OPN4: variants seen among roughly 807,000 people sequenced by gnomAD.
OPN4 encodes the protein melanopsin.
In OPN4, 43 loss-of-function variants were observed where a neutral mutation model predicts 49.5. That is an observed-to-expected ratio of 0.87 (90% CI 0.68 to 1.12). OPN4 has a LOEUF of 1.12. OPN4 is among the 50% of genes most tolerant of loss of function. OPN4 has a pLI of 0.00. For missense variants in OPN4, 657 were observed against 643.9 expected (o/e 1.02, Z -0.22); for synonymous variants, 263 against 258.0 (o/e 1.02, Z -0.19).
At chr10:86,660,632 T>C (rs1179412513) in intron 6 of OPN4, among the ~76,000 whole-genome samples, 4 of 152,124 alleles carry the variant, frequency 2.6e-5, no homozygotes, top group African/African-American at 7.2e-5. Flanking sequence ...AGAGAGGGCA[T>C]CACGGTTGGG....
chr10:86,659,398 T>C lies in OPN4; in HGVS notation c.730T>C (p.Phe244Leu), dbSNP rs372288717. The change falls in exon 5 of 10, where the codon TTC becomes CTC. Residue 244 changes from phenylalanine to leucine, a missense_variant. Phe to Leu is a conservative substitution (Grantham distance 22). Coordinates refer to ENST00000241891, the MANE Select transcript of OPN4 (RefSeq NM_033282.4). ...CACCATGCTTCTCTGCTGCTTCGTG[T>C]TCTTCCTCCCTCTGCTTATCATCAT... is the stretch of plus-strand genomic sequence containing the variant. ...AYTMLLCCFV[F>L]FLPLLIIIYC... The C allele has an allele frequency of 6.2e-7, 1 of 1,614,060 alleles. No homozygotes were observed. Among genetic ancestry groups the C allele is most frequent in the Non-Finnish European group, 8.5e-7 (1 of 1,180,042 alleles).
At position 86,665,447 on chromosome 10, in the gene OPN4, G is replaced by C. The variant is rs947510174; in HGVS notation, c.1399-266G>C. ...GGAAGAGAGGAGCGGATTGGATGGT[G>C]GGGGTGAGGATGGGTTCAGTTGTGA... On this transcript the variant is annotated intron_variant, in intron 9 of 9. Transcript: ENST00000241891. Among the ~76,000 whole-genome samples the C allele has an allele frequency of 2.6e-5, 4 of 152,090 alleles. No homozygotes were observed. In the South Asian group the frequency reaches 8.3e-4, roughly 31 times the overall value.
chr10:86,664,138 T>C (rs1387503306), intron 9 of OPN4: 2 of 247,050 alleles, frequency 8.1e-6, no homozygotes, highest in Non-Finnish European at 1.6e-5. Context: ...CGTCAGAGCA[T>C]AGCTCGAGCA....
At chr10:86,665,570 G>T (rs564034686) in intron 9 of OPN4, 143 bp from the exon 10 acceptor site, 37 of 674,068 alleles carry the variant, frequency 5.5e-5, no homozygotes, top group African/African-American at 5.3e-4. Context: ...CTCTGGGAAG[G>T]CCCATCCCTG....
chr10:86,659,910 C>T lies in OPN4; in HGVS notation c.816C>T (p.Phe272=), dbSNP rs955501437. 68 of 1,614,064 alleles carry T rather than the reference C, an allele frequency of 4.2e-5. No homozygotes were observed. Among genetic ancestry groups the T allele is most frequent in the Middle Eastern group, 1.6e-4 (1 of 6,078 alleles). The part of the protein sequence containing the change: ...IRETGRALQT[F]GACKGNGESL... ...TCCTTCCTAGGGCTCTCCAGACCTT[C>T]GGGGCCTGCAAGGGCAATGGCGAGT... The change falls in exon 6 of 10, where the codon TTC becomes TTT. Residue 272 remains phenylalanine, a synonymous_variant. Transcript: ENST00000241891.
intron 9 of OPN4, 120 bp from the exon 10 acceptor site, chr10:86,665,593 A>G: frequency 1.3e-6 from 1 of 791,740 alleles, no homozygotes; most frequent in South Asian, 1.6e-5. Flanking sequence ...CCAGGACACA[A>G]CCTGGCCCTT....
chr10:86,661,818 G>T (rs1844015404), intron 7 of OPN4, among the ~76,000 whole-genome samples: 1 of 151,858 alleles, frequency 6.6e-6, no homozygotes, highest in Non-Finnish European at 1.5e-5. Context: ...TAGCAACCCG[G>T]CAAGGCTGCT....
intron 9 of OPN4, among the ~76,000 whole-genome samples, chr10:86,665,044 G>T (rs1003965782): frequency 6.6e-6 from 1 of 152,162 alleles, no homozygotes; most frequent in African/African-American, 2.4e-5. Context: ...GGTGGGGAGT[G>T]GGGGGAGCAC....
intron 9 of OPN4, among the ~76,000 whole-genome samples, chr10:86,664,475 G>C (rs758751192): frequency 3.3e-5 from 5 of 152,138 alleles, no homozygotes; most frequent in Non-Finnish European, 7.4e-5. Flanking sequence ...GATTAGAGAA[G>C]GCCATATTCT....
At position 86,659,477 on chromosome 10, in the gene OPN4, C is replaced by T. The variant is rs760848649; in HGVS notation, c.800+9C>T. The stretch of plus-strand genomic sequence containing the variant: ...ATCCGGGAGACAGGACGGTAAGAGC[C>T]GAGCATGGAGGGGGGCTACAGGAGG... On this transcript the variant is annotated intron_variant, in intron 5 of 9. Transcript: ENST00000241891. 20 of 1,612,834 alleles carry T rather than the reference C, an allele frequency of 1.2e-5. No individual in the cohort carries two copies. The highest frequency in any genetic ancestry group is 8.3e-5 in the Admixed American group (5 of 59,934).
At chr10:86,656,055 T>G in intron 1 of OPN4, 100 bp from the exon 2 acceptor site, 1 of 1,515,794 alleles carries the variant, frequency 6.6e-7, no homozygotes, top group Middle Eastern at 1.7e-4. Flanking sequence ...AGCCTCAGTT[T>G]TCCCACCTGC....
At chr10:86,664,525 C>A (rs1844097930) in intron 9 of OPN4, among the ~76,000 whole-genome samples, 1 of 152,206 alleles carries the variant, frequency 6.6e-6, no homozygotes, top group Admixed American at 6.5e-5. Flanking sequence ...TCCCAAGCAG[C>A]CCTTCGCCCC....
intron 9 of OPN4, chr10:86,664,016 A>G (rs35387448): frequency 1.7e-4 from 86 of 499,346 alleles, no homozygotes; most frequent in South Asian, 2.6e-4. Flanking sequence ...TGGTCTGCAC[A>G]TGTGTGTGTG....
intron 7 of OPN4, 81 bp downstream of exon 7, chr10:86,661,469 GTC>G (rs1564621597): frequency 6.9e-6 from 7 of 1,012,658 alleles, no homozygotes; most frequent in Non-Finnish European, 1.0e-5. Flanking sequence ...CCACCTTTCT[GTC>G]TCTCGTGTGT....
At position 86,654,809 on chromosome 10, in the gene OPN4, T is replaced by TAC. The variant is rs1843827084; in HGVS notation, c.26_27insAC (p.Pro11ArgfsTer67). 27 of 1,554,510 alleles carry TAC rather than the reference T, an allele frequency of 1.7e-5. No individual in the cohort carries two copies. Among genetic ancestry groups the TAC allele is most frequent in the Non-Finnish European group, 1.9e-5 (21 of 1,128,526 alleles). Reference sequence around the variant, plus strand: ...ATGAACCCTCCTTCGGGGCCAAGAGTCCCGCCCAGCCCAACCCAAGAGCCC... The same window carrying TAC: ...ATGAACCCTCCTTCGGGGCCAAGAGTACCCCGCCCAGCCCAACCCAAGAGCCC... On this transcript the variant is annotated frameshift_variant, in exon 1 of 10. Coordinates refer to ENST00000241891, the MANE Select transcript of OPN4 (RefSeq NM_033282.4). LOFTEE classifies it high-confidence loss of function.
chr10:86,656,549 A>G (rs531017612), intron 2 of OPN4, among the ~76,000 whole-genome samples: 110 of 152,208 alleles, frequency 7.2e-4, no homozygotes, highest in African/African-American at 2.6e-3. Flanking sequence ...TCCTCTGTGG[A>G]GGGTGTGTGT....
At chr10:86,658,201 G>A (rs1589586768) in intron 3 of OPN4, 36 bp downstream of exon 3, 1 of 1,608,830 alleles carries the variant, frequency 6.2e-7, no homozygotes. Context: ...GGAGGGAGGA[G>A]GAGGGTTTTG....
chr10:86,662,284 G>A lies in OPN4; in HGVS notation c.1106G>A (p.Gly369Glu), dbSNP rs771092629. ...ATTGCCCAGCACCTGCCCTGCCTGG[G>A]GGTGCTGCTGGGTGTATCACGCCGG... is the stretch of plus-strand genomic sequence containing the variant. ...VAIAQHLPCL[G>E]VLLGVSRRHS... The change falls in exon 8 of 10, where the codon GGG becomes GAG. Residue 369 changes from glycine to glutamate, a missense_variant. Gly to Glu is a moderately conservative substitution (Grantham distance 98, BLOSUM62 -2). Coordinates refer to ENST00000241891, the MANE Select transcript of OPN4 (RefSeq NM_033282.4). 6.2e-7 allele frequency: 1 copy of A among 1,609,328 alleles called. No homozygotes were observed. The highest frequency in any genetic ancestry group is 2.2e-5 in the East Asian group (1 of 44,822).
intron 9 of OPN4, 128 bp downstream of exon 9, chr10:86,663,930 C>G: frequency 9.2e-7 from 1 of 1,083,792 alleles, no homozygotes; most frequent in Non-Finnish European, 1.3e-6. Context: ...ATCACCTGCT[C>G]CCAGCACCTC....
Sources: allele counts gnomAD v4.1 joint callset (sites outside exome capture counted in the v4.1 genomes callset), GRCh38; gene constraint gnomAD v4.1.1; transcripts MANE v1.5; gene names NCBI Gene and HGNC (gene_info 2026-07-23, HGNC 2026-07-21).